The following ATAD2B variants were observed in gnomAD, a reference collection of about 807,000 sequenced individuals.
ATAD2B encodes ATPase family AAA domain-containing protein 2B.
Under a neutral mutation model 167.6 loss-of-function variants are expected in ATAD2B, and 40 were observed. The ratio of observed to expected loss-of-function variants is 0.24; its 90% CI spans 0.19 to 0.31. ATAD2B has a LOEUF of 0.31. Ranked by LOEUF, ATAD2B falls within the 10% of genes least tolerant of loss-of-function variation. The pLI, the probability that ATAD2B is intolerant of heterozygous loss-of-function variation, is 1.00. For synonymous variants in ATAD2B, 579 were observed against 596.5 expected, an observed-to-expected ratio of 0.97 and a Z score of 0.43; for missense variants, 1,242 against 1,757.2, an observed-to-expected ratio of 0.71 and a Z score of 5.24.
chr2:23,751,826 A>T lies in ATAD2B; in HGVS notation c.*220T>A. 1 of 523,242 alleles carries T rather than the reference A, an allele frequency of 1.9e-6. No homozygotes were observed. Among genetic ancestry groups the T allele is most frequent in the Admixed American group, 3.9e-5 (1 of 25,498 alleles). The allele number at this position is 523,242 out of a possible 1,614,324, so 32.4% of individuals were successfully genotyped here. On this transcript the variant is annotated 3_prime_UTR_variant, in exon 28 of 28. Transcript: ENST00000238789. ...GTGGGGTTGTATTTTTTATTTGTGG[A>T]AAATACAACATGTTTCTGAAGTTCT... is the stretch of plus-strand genomic sequence containing the variant.
the ATAD2B span, chr2:23,688,842 G>A: frequency 2.0e-5 from 3 of 152,310 alleles, no homozygotes. Flanking sequence ...GACAGGACAA[G>A]AAATGGCTTG....
the ATAD2B span, among the ~76,000 whole-genome samples, chr2:23,701,194 C>CTCCTTTAGCGCCAGCATTTCA: frequency 6.6e-6 from 1 of 151,910 alleles, no homozygotes; most frequent in Non-Finnish European, 1.5e-5. Flanking sequence ...TGGCAACTAT[C>CTCCTTTAGCGCCAGCATTTCA]TCAATGAGCA....
At chr2:23,795,906 A>C (rs960301960) in intron 19 of ATAD2B, among the ~76,000 whole-genome samples, 2 of 151,754 alleles carry the variant, frequency 1.3e-5, no homozygotes, top group East Asian at 1.9e-4. Flanking sequence ...AAGAAAAAAG[A>C]AAGCAAGCAT....
the ATAD2B span, chr2:23,693,413 C>G: frequency 6.4e-7 from 1 of 1,551,752 alleles, no homozygotes. Context: ...CTCAGCATCT[C>G]CAAGGACGAC....
intron 6 of ATAD2B, among the ~76,000 whole-genome samples, chr2:23,881,801 G>T (rs184711849): frequency 6.6e-6 from 1 of 151,796 alleles, no homozygotes; most frequent in East Asian, 1.9e-4. Context: ...TCAGCTCACT[G>T]CGACCTCTGC....
At chr2:23,681,195 C>T in the ATAD2B span, among the ~76,000 whole-genome samples, 2 of 152,230 alleles carry the variant, frequency 1.3e-5, no homozygotes, top group Non-Finnish European at 1.5e-5. The surrounding 1 kb of genome is among the most constrained non-coding windows in gnomAD (Gnocchi z 4.2). Context: ...CCAATCGATA[C>T]TAGGAATGCA....
At chr2:23,819,700 A>G in intron 17 of ATAD2B, 47 bp downstream of exon 17, 1 of 1,416,726 alleles carries the variant, frequency 7.1e-7, no homozygotes, top group South Asian at 1.3e-5. Flanking sequence ...ATCATAAAGT[A>G]TCAAAAATCA....
intron 23 of ATAD2B, 88 bp downstream of exon 23, chr2:23,765,418 C>CA: frequency 9.2e-7 from 1 of 1,081,598 alleles, no homozygotes; most frequent in Non-Finnish European, 1.2e-6. Context: ...TTCATAATAC[C>CA]AGCAATCCTA....
chr2:23,695,702 A>T, the ATAD2B span: 15 of 1,551,532 alleles, frequency 9.7e-6, no homozygotes, highest in African/African-American at 2.1e-4. The surrounding 1 kb of genome is among the most constrained non-coding windows in gnomAD (Gnocchi z 7.6). Context: ...GACAATGAAG[A>T]GCTGATCAAG....
chr2:23,816,785 C>T (rs935795192), intron 17 of ATAD2B, among the ~76,000 whole-genome samples: 1 of 152,058 alleles, frequency 6.6e-6, no homozygotes, highest in Non-Finnish European at 1.5e-5. Context: ...TCTAGTCACC[C>T]TTATGGTAAT....
At chr2:23,776,658 T>A (rs901162529) in intron 22 of ATAD2B, among the ~76,000 whole-genome samples, 1 of 152,170 alleles carries the variant, frequency 6.6e-6, no homozygotes, top group Non-Finnish European at 1.5e-5. Context: ...AATCTCCAGG[T>A]AGTGTCTTCT....
At chr2:23,684,151 C>G in the ATAD2B span, among the ~76,000 whole-genome samples, 1 of 152,064 alleles carries the variant, frequency 6.6e-6, no homozygotes, top group Non-Finnish European at 1.5e-5. This position sits in a 1 kb window ranked among gnomAD's most constrained non-coding sequence, Gnocchi z 4.4. Context: ...TTTTTTGTAT[C>G]ATATTTGGTT....
At chr2:23,862,316 A>G (rs115551181) in intron 12 of ATAD2B, among the ~76,000 whole-genome samples, 3,959 of 152,066 alleles carry the variant, frequency 0.026, 171 homozygotes, top group African/African-American at 0.091. Context: ...TTCCTCAGAC[A>G]TAATCAAATA....
downstream of ATAD2B, among the ~76,000 whole-genome samples, chr2:23,745,901 G>A (rs557381003): frequency 6.6e-6 from 1 of 152,324 alleles, no homozygotes; most frequent in African/African-American, 2.4e-5. Context: ...CAGTGCTCTG[G>A]CACTTGCTTT....
At chr2:23,848,588 A>T (rs534696628) in intron 13 of ATAD2B, among the ~76,000 whole-genome samples, 1 of 152,356 alleles carries the variant, frequency 6.6e-6, no homozygotes, top group South Asian at 2.1e-4. Context: ...CATCAATTGA[A>T]GGTAGATGGT....
At chr2:23,731,975 C>T in the ATAD2B span, among the ~76,000 whole-genome samples, 1 of 115,784 alleles carries the variant, frequency 8.6e-6, no homozygotes, top group African/African-American at 2.8e-5. Flanking sequence ...AGACTGTCTC[C>T]TAGGGGGCAA....
At chr2:23,720,634 C>T in the ATAD2B span, among the ~76,000 whole-genome samples, 2 of 151,840 alleles carry the variant, frequency 1.3e-5, no homozygotes, top group African/African-American at 4.8e-5. Flanking sequence ...GTCTGCAGCC[C>T]TGTCTCCCCT....
At chr2:23,688,399 C>A in the ATAD2B span, among the ~76,000 whole-genome samples, 2 of 152,342 alleles carry the variant, frequency 1.3e-5, no homozygotes, top group Admixed American at 6.5e-5. Flanking sequence ...CCAGTTCCAA[C>A]TTGCAAAATG....
intron 9 of ATAD2B, among the ~76,000 whole-genome samples, chr2:23,868,407 C>G (rs1464706589): frequency 6.6e-6 from 1 of 152,138 alleles, no homozygotes; most frequent in African/African-American, 2.4e-5. Flanking sequence ...CTCAAGTGAT[C>G]CTCCCACCTC....
Sources: allele counts gnomAD v4.1 joint callset (sites outside exome capture counted in the v4.1 genomes callset), GRCh38; gene constraint gnomAD v4.1.1; non-coding constraint Gnocchi (gnomAD v3.1); transcripts MANE v1.5; gene names NCBI Gene and HGNC (gene_info 2026-07-23, HGNC 2026-07-21).